Variants in PCSK6 observed in about 807,000 individuals in gnomAD.
PCSK6 encodes the protein paired basic amino acid cleaving enzyme 4.
Under a neutral mutation model 123.3 loss-of-function variants are expected in PCSK6, and 85 were observed. The observed-to-expected ratio is 0.69, with a 90% CI of 0.58 to 0.83. The LOEUF is 0.83. PCSK6 is among the 40% of genes least tolerant of loss of function. The probability of loss-of-function intolerance (pLI) is 0.00; values close to 1 mark genes in which losing one functional copy is unlikely to be tolerated. For missense variants in PCSK6, 1,191 were observed against 1,282.3 expected (o/e 0.93, Z 1.09); for synonymous variants, 508 against 516.0 (o/e 0.98, Z 0.21).
chr15:101,326,003 C>A (rs2040243618), intron 16 of PCSK6, among the ~76,000 whole-genome samples: 1 of 152,252 alleles, frequency 6.6e-6, no homozygotes, highest in Admixed American at 6.5e-5. Flanking sequence ...TGTCCAAGAG[C>A]CATGTCCCCT....
chr15:101,389,379 A>G (rs754029895), intron 9 of PCSK6, 85 bp downstream of exon 9: 1 of 1,048,956 alleles, frequency 9.5e-7, no homozygotes, highest in Non-Finnish European at 1.5e-6. Context: ...GTCCACTTCA[A>G]TAGGGTGAAA....
In PCSK6 at chr15:101,459,101, C is replaced by A. The variant is rs77510888; in HGVS notation, c.298-15441G>T. 6.2e-3 allele frequency among the ~76,000 whole-genome samples: 951 copies of A among 152,260 alleles called. 10 individuals carry two copies. Among genetic ancestry groups the A allele is most frequent in the African/African-American group, 0.021 (888 of 41,526 alleles). On this transcript the variant is annotated intron_variant, in intron 1 of 21. Transcript: ENST00000611716. ...CTCCAGGCCACCTCTCCTCTCCCAG[C>A]CTCACTGCTAGCTCCGCCCACTGAG...
intron 1 of PCSK6, among the ~76,000 whole-genome samples, chr15:101,488,386 G>C (rs1262719659): frequency 6.6e-6 from 1 of 152,188 alleles, no homozygotes; most frequent in Non-Finnish European, 1.5e-5. Context: ...GTAGCTGGTT[G>C]AGAGAGGAAA....
In PCSK6 at chr15:101,324,862, A is replaced by G. The variant is rs768895282; in HGVS notation, c.2365T>C (p.Tyr789His). 1 of 1,612,540 alleles carries G rather than the reference A, an allele frequency of 6.2e-7. No individual in the cohort carries two copies. The highest frequency in any genetic ancestry group is 8.5e-7 in the Non-Finnish European group (1 of 1,179,094). Residue 789 changes from tyrosine to histidine, a missense_variant, in exon 17 of 22, where the codon TAT becomes CAT. Physicochemically the swap from Tyr to His is moderately conservative, Grantham distance 83. Around this residue, in one of 3 missense-constraint regions of PCSK6, gnomAD observed 630 missense variants for 631.4 expected, o/e 1.00. Coordinates refer to ENST00000611716, the MANE Select transcript of PCSK6 (RefSeq NM_002570.5). ...ACAAGCCACTTACTTTCATCAGCAT[A>G]AAATCCTGCAGGACAGAGGGTCACA... ...TCVTLCPAGF[Y>H]ADESQKNCLK...
chr15:101,323,883 T>C (rs1451033425), intron 17 of PCSK6, among the ~76,000 whole-genome samples: 1 of 152,140 alleles, frequency 6.6e-6, no homozygotes, highest in Admixed American at 6.5e-5. Context: ...AGGAGGGCCG[T>C]GGGGAGGCCT....
chr15:101,347,161 A>G, intron 13 of PCSK6: 1 of 1,231,786 alleles, frequency 8.1e-7, no homozygotes, highest in Non-Finnish European at 1.0e-6. Context: ...GACAAACTTG[A>G]AAGCCGGCAC....
At chr15:101,469,665 TG>T (rs2057556866) in intron 1 of PCSK6, among the ~76,000 whole-genome samples, 1 of 152,062 alleles carries the variant, frequency 6.6e-6, no homozygotes, top group Non-Finnish European at 1.5e-5. Context: ...TAGAGCCGGG[TG>T]CCTCGCTGGG....
rs372752267 is a variant in PCSK6, at chr15:101,431,473, C to T, written c.514-10G>A. 6.9e-5 allele frequency: 112 copies of T among 1,613,302 alleles called. No individual in the cohort carries two copies. The highest frequency in any genetic ancestry group is 3.5e-4 in the African/African-American group (26 of 74,886). On this transcript the variant is annotated splice_polypyrimidine_tract_variant and intron_variant, in intron 3 of 21. Coordinates refer to ENST00000611716, the MANE Select transcript of PCSK6 (RefSeq NM_002570.5). Reference sequence around the variant, plus strand: ...TCTTGTCGCCACAATGCTGTAAGCACGAAAGACACAAAGTCCCCCCGACAT... The same window carrying T: ...TCTTGTCGCCACAATGCTGTAAGCATGAAAGACACAAAGTCCCCCCGACAT...
intron 1 of PCSK6, among the ~76,000 whole-genome samples, chr15:101,486,645 G>A (rs2141281146): frequency 6.6e-6 from 1 of 152,280 alleles, no homozygotes; most frequent in South Asian, 2.1e-4. Flanking sequence ...CCTTTATCAG[G>A]TGCTGAAAGG....
At chr15:101,342,832 G>A (rs1400611605) in intron 13 of PCSK6, among the ~76,000 whole-genome samples, 1 of 151,944 alleles carries the variant, frequency 6.6e-6, no homozygotes, top group African/African-American at 2.4e-5. Context: ...AATCTGGGAG[G>A]CAGAAGTTAC....
intron 1 of PCSK6, among the ~76,000 whole-genome samples, chr15:101,455,948 C>T (rs992094569): frequency 6.7e-6 from 1 of 149,476 alleles, no homozygotes; most frequent in Non-Finnish European, 1.5e-5. Context: ...CTCCGGCAAG[C>T]TGTATGCTAA....
intron 6 of PCSK6, among the ~76,000 whole-genome samples, chr15:101,415,206 G>A (rs1994966): frequency 0.29 from 43,710 of 152,146 alleles, 6,502 homozygotes; most frequent in African/African-American, 0.36. Context: ...CAAAAAGTAA[G>A]AAAGACTCCA....
At chr15:101,488,012 C>T (rs1490036606) in intron 1 of PCSK6, among the ~76,000 whole-genome samples, 1 of 152,166 alleles carries the variant, frequency 6.6e-6, no homozygotes, top group African/African-American at 2.4e-5. Context: ...TTTCAGTAAA[C>T]TCGAACCTGC....
At chr15:101,363,796 A>G (rs942142750) in intron 13 of PCSK6, among the ~76,000 whole-genome samples, 2 of 142,704 alleles carry the variant, frequency 1.4e-5, no homozygotes, top group African/African-American at 2.6e-5. Flanking sequence ...TGCCTGGCTA[A>G]TTTTTTTTTT....
At chr15:101,400,627 C>T (rs371271927) in intron 6 of PCSK6, among the ~76,000 whole-genome samples, 4 of 152,186 alleles carry the variant, frequency 2.6e-5, no homozygotes, top group African/African-American at 9.7e-5. Flanking sequence ...AAACATTTTA[C>T]GTGAGTAGAA....
intron 6 of PCSK6, among the ~76,000 whole-genome samples, chr15:101,426,686 A>G (rs2056266553): frequency 6.6e-6 from 1 of 152,234 alleles, no homozygotes; most frequent in African/African-American, 2.4e-5. Flanking sequence ...CTGGTGATCC[A>G]GGGAACCGTG....
intron 1 of PCSK6, among the ~76,000 whole-genome samples, chr15:101,456,035 C>T (rs796911605): frequency 3.3e-5 from 5 of 152,352 alleles, no homozygotes; most frequent in African/African-American, 1.2e-4. Flanking sequence ...GGAGGCACTA[C>T]ATTGCCTTTT....
chr15:101,331,571 C>A lies in PCSK6; in HGVS notation c.2077+80G>T, dbSNP rs956516026. 4 of 1,344,438 alleles carry A rather than the reference C, an allele frequency of 3.0e-6. No individual in the cohort carries two copies. The Admixed American group carries it at 7.5e-5, about 25-fold the overall frequency. The allele number at this position is 1,344,438 out of a possible 1,614,324, so 83.3% of individuals were successfully genotyped here. On this transcript the variant is annotated intron_variant, in intron 15 of 21. Coordinates refer to ENST00000611716, the MANE Select transcript of PCSK6 (RefSeq NM_002570.5). ...TGGCTAACTTACCAGGGGGCAAGACCCCATTCTGGTTGGGCATATAGACCC... is the reference window on the plus strand; with the variant it reads ...TGGCTAACTTACCAGGGGGCAAGACACCATTCTGGTTGGGCATATAGACCC...
At chr15:101,349,800 C>T (rs1166907266) in intron 13 of PCSK6, among the ~76,000 whole-genome samples, 5 of 152,208 alleles carry the variant, frequency 3.3e-5, no homozygotes, top group East Asian at 1.9e-4. Context: ...TCTGTGGCCC[C>T]GAGTGCAGAG....
Sources: gnomAD v4.1 joint callset for allele counts (sites outside exome capture counted in the v4.1 genomes callset) on GRCh38, gnomAD v4.1.1 for gene constraint, gnomAD v4.1.1 regional missense constraint, MANE v1.5 for transcripts, NCBI Gene and HGNC (gene_info 2026-07-23, HGNC 2026-07-21) for gene names.